The following PRRC2C variants were observed in gnomAD, a reference collection of about 807,000 sequenced individuals.
PRRC2C encodes protein PRRC2C.
PRRC2C carries 72 observed loss-of-function variants against 317.2 expected under a neutral mutation model. The ratio of observed to expected loss-of-function variants is 0.23; its 90% CI spans 0.19 to 0.28. The LOEUF (loss-of-function observed/expected upper bound fraction) is 0.28, where lower values mean the gene tolerates loss of function less well. Ranked by LOEUF, PRRC2C falls within the 10% of genes least tolerant of loss-of-function variation. PRRC2C has a pLI of 1.00. For missense variants in PRRC2C, 3,074 were observed against 3,459.7 expected (o/e 0.89, Z 2.80); for synonymous variants, 1,296 against 1,205.9 (o/e 1.07, Z -1.55).
chr1:171,582,857 TAAA>T (rs35348195), intron 28 of PRRC2C, among the ~76,000 whole-genome samples: 14 of 148,012 alleles, frequency 9.5e-5, no homozygotes, highest in Admixed American at 4.0e-4. Flanking sequence ...CTAAATTTGT[TAAA>T]AAAAAAAAAA....
intron 23 of PRRC2C, among the ~76,000 whole-genome samples, chr1:171,569,463 A>T (rs1341531898): frequency 6.6e-6 from 1 of 150,756 alleles, no homozygotes; most frequent in South Asian, 2.1e-4. Flanking sequence ...AAAGGAATAG[A>T]AAGGAGTGAG....
At position 171,579,840 on chromosome 1, in the gene PRRC2C, C is replaced by A; in HGVS notation, c.7285C>A (p.Gln2429Lys). The A allele has an allele frequency of 6.4e-7, 1 of 1,565,124 alleles. No homozygotes were observed. Among genetic ancestry groups the A allele is most frequent in the Non-Finnish European group, 8.6e-7 (1 of 1,158,666 alleles). ...CAATGCATTGCAGCCAACTTCAGTT[C>A]AGCAGATTCCAATCCCTATTTATGC... ...QPGLSQPTSV[Q>K]QIPIPIYAPL... Residue 2429 changes from glutamine (Q) to lysine (K), a missense_variant, in exon 28 of 35, where the codon CAG (glutamine) becomes AAG (lysine). Physicochemically the swap from Gln to Lys is moderately conservative, Grantham distance 53. Transcript: ENST00000647382.
intron 20 of PRRC2C, among the ~76,000 whole-genome samples, 177 bp downstream of exon 20, chr1:171,561,280 C>T (rs1446141147): frequency 6.6e-6 from 1 of 152,082 alleles, no homozygotes; most frequent in Non-Finnish European, 1.5e-5. Context: ...TAGGAAGACC[C>T]TGTCTCTACA....
rs371929853 is a variant in PRRC2C, at chr1:171,540,657, C to G, written c.3191C>G (p.Pro1064Arg). The change falls in exon 16 of 35, where the codon CCA (proline) becomes CGA (arginine). Residue 1064 changes from proline to arginine, a missense_variant. Around this residue, in one of 11 missense-constraint regions of PRRC2C, gnomAD observed 1,320 missense variants for 1,395.7 expected, o/e 0.95. Transcript: ENST00000647382. ...KTEKKDLPPP[P>R]PPPQPPAPIQ... Reference sequence around the variant, plus strand: ...GAAAAGAAGGATCTTCCTCCTCCCCCACCACCACCTCAGCCACCAGCACCA... The same window carrying G: ...GAAAAGAAGGATCTTCCTCCTCCCCGACCACCACCTCAGCCACCAGCACCA... 72 of 1,613,794 alleles carry G rather than the reference C, an allele frequency of 4.5e-5. No homozygotes were observed. The highest frequency in any genetic ancestry group is 1.1e-4 in the South Asian group (10 of 91,078).
intron 1 of PRRC2C, among the ~76,000 whole-genome samples, chr1:171,501,943 C>T (rs1290476763): frequency 6.6e-6 from 1 of 152,146 alleles, no homozygotes; most frequent in Non-Finnish European, 1.5e-5. Flanking sequence ...CTTTTCTTGC[C>T]ATTAAAACCT....
chr1:171,508,590 G>A (rs1159274786), intron 1 of PRRC2C, among the ~76,000 whole-genome samples: 2 of 152,188 alleles, frequency 1.3e-5, no homozygotes, highest in Non-Finnish European at 2.9e-5. Context: ...AGTGTTCTGC[G>A]ATGGCTAGAG....
Position 171,540,733 on chromosome 1 carries a change from T to C in PRRC2C, c.3267T>C (p.Phe1089=). The C allele has an allele frequency of 6.2e-7, 1 of 1,613,912 alleles. No individual in the cohort carries two copies. The highest frequency in any genetic ancestry group is 8.5e-7 in the Non-Finnish European group (1 of 1,179,868). Residue 1089 remains phenylalanine (F), a synonymous_variant, in exon 16 of 35, where the codon TTT becomes TTC. Coordinates refer to ENST00000647382, the MANE Select transcript of PRRC2C (RefSeq NM_001387844.1). ...PPPIQPEAEK[F]PSTETATLAQ... ...CAATTCAACCAGAAGCAGAGAAATTTCCTTCAACAGAAACTGCAACTTTGG... is the reference window on the plus strand; with the variant it reads ...CAATTCAACCAGAAGCAGAGAAATTCCCTTCAACAGAAACTGCAACTTTGG...
At chr1:171,529,262 C>G (rs558879992) in intron 11 of PRRC2C, among the ~76,000 whole-genome samples, 80 of 152,226 alleles carry the variant, frequency 5.3e-4, no homozygotes, top group African/African-American at 1.8e-3. Flanking sequence ...CTTCTATGAG[C>G]TGATGGCATT....
intron 1 of PRRC2C, chr1:171,509,850 T>C (rs900583216): frequency 1.6e-4 from 22 of 135,072 alleles, no homozygotes; most frequent in East Asian, 4.2e-4. Context: ...GTTTCTTTTT[T>C]TTTTTTTTTT....
At chr1:171,526,321 A>C (rs1212769347) in intron 10 of PRRC2C, among the ~76,000 whole-genome samples, 1 of 152,212 alleles carries the variant, frequency 6.6e-6, no homozygotes, top group African/African-American at 2.4e-5. Flanking sequence ...TCAGAATTCC[A>C]GAACAGCTAG....
rs771259001 is a variant in PRRC2C, at chr1:171,539,999, A to T, written c.2533A>T (p.Ile845Phe). 2 of 1,613,070 alleles carry T rather than the reference A, an allele frequency of 1.2e-6. No homozygotes were observed. Among genetic ancestry groups the T allele is most frequent in the Non-Finnish European group, 1.7e-6 (2 of 1,179,528 alleles). ...TGAAGCTGCGTTGGACCAGGAACAGATTACTGCTGCTTATTCTGTAGAACA... is the reference window on the plus strand; with the variant it reads ...TGAAGCTGCGTTGGACCAGGAACAGTTTACTGCTGCTTATTCTGTAGAACA... ...RSEAALDQEQITAAYSVEHNQ... is the reference protein window; with the variant it reads ...RSEAALDQEQFTAAYSVEHNQ... Residue 845 changes from isoleucine (I) to phenylalanine (F), a missense_variant, in exon 16 of 35, where the codon ATT (isoleucine) becomes TTT (phenylalanine). Coordinates refer to ENST00000647382, the MANE Select transcript of PRRC2C (RefSeq NM_001387844.1).
chr1:171,486,508 T>G (rs1666143271), intron 1 of PRRC2C, among the ~76,000 whole-genome samples: 1 of 150,984 alleles, frequency 6.6e-6, no homozygotes, highest in Non-Finnish European at 1.5e-5. Context: ...GATAGAGTCT[T>G]CCTTCCTTTG....
At chr1:171,560,677 A>G (rs910212695) in intron 19 of PRRC2C, among the ~76,000 whole-genome samples, 4 of 152,190 alleles carry the variant, frequency 2.6e-5, no homozygotes, top group Non-Finnish European at 5.9e-5. Context: ...TTAAAATTAA[A>G]AAGTATACAT....
In PRRC2C at chr1:171,584,184, C is replaced by T. The variant is rs902730005; in HGVS notation, c.7638C>T (p.Leu2546=). 2 of 1,609,508 alleles carry T rather than the reference C, an allele frequency of 1.2e-6. No homozygotes were observed. Among genetic ancestry groups the T allele is most frequent in the Admixed American group, 1.7e-5 (1 of 59,980 alleles). The change falls in exon 29 of 35, where the codon CTC becomes CTT. Residue 2546 remains leucine (L), a synonymous_variant. Coordinates refer to ENST00000647382, the MANE Select transcript of PRRC2C (RefSeq NM_001387844.1). The stretch of plus-strand genomic sequence containing the variant: ...CCCAGCTGATTGACACACATCTTCT[C>T]CAGGTAAGTCAGGGGACTAGAGCAA... ...GGSQLIDTHL[L]QARANLTQAS... is the part of the protein sequence containing the mutation.
At position 171,557,756 on chromosome 1, in the gene PRRC2C, G is replaced by T; in HGVS notation, c.5644G>T (p.Ala1882Ser). 6.4e-7 allele frequency: 1 copy of T among 1,550,634 alleles called. No homozygotes were observed. The highest frequency in any genetic ancestry group is 8.7e-7 in the Non-Finnish European group (1 of 1,146,548). Residue 1882 changes from alanine to serine, a missense_variant, in exon 19 of 35, where the codon GCC (alanine) becomes TCC (serine). Transcript: ENST00000647382. ...STSAPTPAPA[A>S]SSPAAPVITA... ...TTCAGCTCCAACGCCAGCCCCAGCA[G>T]CCTCTTCCCCAGCTGCCCCAGTCAT... is the stretch of plus-strand genomic sequence containing the variant.
chr1:171,530,243 C>CTTTTTTT (rs778215422), intron 11 of PRRC2C, among the ~76,000 whole-genome samples: 3 of 63,286 alleles, frequency 4.7e-5, no homozygotes, highest in Admixed American at 2.1e-4. Context: ...TGTAGCTGGG[C>CTTTTTTT]TTTTTTTTTT....
intron 34 of PRRC2C, 59 bp from the exon 35 acceptor site, chr1:171,591,528 G>A (rs988635218): frequency 1.3e-6 from 2 of 1,572,252 alleles, no homozygotes; most frequent in Non-Finnish European, 1.7e-6. Context: ...AACCAAGATT[G>A]ATTTGACAGG....
intron 1 of PRRC2C, chr1:171,511,722 A>T (rs1671426616): frequency 6.4e-6 from 1 of 156,766 alleles, no homozygotes; most frequent in African/African-American, 2.4e-5. Context: ...ATTAAATTGG[A>T]TAATATATCT....
At chr1:171,486,336 A>G (rs190424951) in intron 1 of PRRC2C, among the ~76,000 whole-genome samples, 1 of 151,770 alleles carries the variant, frequency 6.6e-6, no homozygotes, top group African/African-American at 2.4e-5. Context: ...CCGGAGGAGG[A>G]TTTGGGTAGT....
Sources: allele counts gnomAD v4.1 joint callset (sites outside exome capture counted in the v4.1 genomes callset), GRCh38; gene constraint gnomAD v4.1.1; regional missense constraint gnomAD v4.1.1; transcripts MANE v1.5; gene names NCBI Gene and HGNC (gene_info 2026-07-23, HGNC 2026-07-21).